Variants in BTBD1 observed in about 807,000 individuals in gnomAD.
The protein encoded by BTBD1 is BTB domain containing 1.
BTBD1 carries 34 observed loss-of-function variants against 48.0 expected under a neutral mutation model. The observed-to-expected ratio is 0.71, with a 90% CI of 0.54 to 0.94. The LOEUF is 0.94. BTBD1 is among the 40% of genes least tolerant of loss of function. The probability of loss-of-function intolerance (pLI) is 0.00; values close to 1 mark genes in which losing one functional copy is unlikely to be tolerated. For synonymous variants in BTBD1, 261 were observed against 242.1 expected (o/e 1.08, Z -0.72); for missense variants, 543 against 625.6 (o/e 0.87, Z 1.41).
intron 5 of BTBD1, among the ~76,000 whole-genome samples, chr15:83,027,918 C>CAAA (rs1409663647): frequency 2.0e-5 from 3 of 152,280 alleles, no homozygotes; most frequent in East Asian, 3.9e-4. Context: ...TTGTCCTGCC[C>CAAA]AAAGTCTATG....
At chr15:83,060,669 C>A (rs1055739076) in intron 1 of BTBD1, among the ~76,000 whole-genome samples, 1 of 152,100 alleles carries the variant, frequency 6.6e-6, no homozygotes, top group South Asian at 2.1e-4. Flanking sequence ...TGGCACACAC[C>A]TGTAATCCCA....
intron 4 of BTBD1, among the ~76,000 whole-genome samples, chr15:83,032,568 G>C (rs953180484): frequency 2.8e-4 from 42 of 152,190 alleles, no homozygotes; most frequent in Middle Eastern, 6.8e-3. Flanking sequence ...CGAAACAAAG[G>C]CTTTTGCAGC....
In BTBD1 at chr15:83,041,891, G is replaced by T; in HGVS notation, c.699C>A (p.Leu233=). ...TLCAVLERDT[L]SIRESRLFGA... is the part of the protein sequence containing the mutation. ...CAAAAAGTCGACTTTCTCGAATACT[G>T]AGTGTGTCTCTCTCTAAAACTGCAC... The change falls in exon 4 of 8, where the codon CTC becomes CTA. Residue 233 remains leucine (L), a synonymous_variant. Coordinates refer to ENST00000261721, the MANE Select transcript of BTBD1 (RefSeq NM_025238.4). 6.2e-7 allele frequency: 1 copy of T among 1,614,090 alleles called. No homozygotes were observed. Among genetic ancestry groups the T allele is most frequent in the East Asian group, 2.2e-5 (1 of 44,880 alleles).
intron 3 of BTBD1, among the ~76,000 whole-genome samples, chr15:83,047,316 G>T (rs771877364): frequency 6.6e-6 from 1 of 152,168 alleles, no homozygotes; most frequent in Admixed American, 6.5e-5. Context: ...TCTTTAATCT[G>T]AGATGCCAAG....
At chr15:83,028,485 T>A (rs1308795368) in intron 5 of BTBD1, 1 of 152,150 alleles carries the variant, frequency 6.6e-6, no homozygotes. Flanking sequence ...TTGAGATTGA[T>A]CTAGAATTTT....
intron 2 of BTBD1, among the ~76,000 whole-genome samples, chr15:83,050,523 A>G (rs1166050058): frequency 1.3e-5 from 2 of 151,838 alleles, no homozygotes; most frequent in Non-Finnish European, 2.9e-5. Context: ...TTTATGTTAG[A>G]TAAGGCTTAC....
intron 4 of BTBD1, among the ~76,000 whole-genome samples, chr15:83,039,269 GA>G (rs1168978720): frequency 6.6e-6 from 1 of 151,746 alleles, no homozygotes; most frequent in Non-Finnish European, 1.5e-5. Flanking sequence ...CAACAAACAT[GA>G]AAAAAATCCT....
rs566107777 is a variant in BTBD1, at chr15:83,044,934, A to C, written c.665-3009T>G. ...AAAGTGTCTTGGATTAATTAGGATC[A>C]TCCCTTTGGTTAATAAATAAATGTG... On this transcript the variant is annotated intron_variant, in intron 3 of 7. Coordinates refer to ENST00000261721, the MANE Select transcript of BTBD1 (RefSeq NM_025238.4). Among the ~76,000 whole-genome samples, 4 of 152,318 alleles carry C rather than the reference A, an allele frequency of 2.6e-5. No homozygotes were observed. The South Asian group carries it at 8.3e-4, about 32-fold the overall frequency.
intron 1 of BTBD1, among the ~76,000 whole-genome samples, chr15:83,063,130 CCTT>C (rs2033202487): frequency 1.3e-5 from 2 of 152,228 alleles, no homozygotes; most frequent in African/African-American, 4.8e-5. Context: ...ATATAATGCT[CCTT>C]CTTTCTCTTC....
At chr15:83,029,933 T>G (rs1275346249) in intron 5 of BTBD1, 1 of 608,642 alleles carries the variant, frequency 1.6e-6, no homozygotes, top group Admixed American at 2.8e-5. Flanking sequence ...ATTTTTTTCT[T>G]AAGAAGTCAC....
chr15:83,049,110 A>C (rs1341499579), intron 3 of BTBD1, among the ~76,000 whole-genome samples: 2 of 152,136 alleles, frequency 1.3e-5, no homozygotes. Context: ...TTTCCAATCC[A>C]CTTATTCCAG....
intron 7 of BTBD1, 143 bp downstream of exon 7, chr15:83,018,564 G>A: frequency 1.1e-6 from 1 of 875,432 alleles, no homozygotes; most frequent in Non-Finnish European, 1.7e-6. Context: ...CTTCTTTTCG[G>A]AAGGCAGTGG....
At chr15:83,031,936 G>T (rs1031800570) in intron 4 of BTBD1, among the ~76,000 whole-genome samples, 3 of 152,136 alleles carry the variant, frequency 2.0e-5, no homozygotes, top group African/African-American at 7.2e-5. Context: ...ATAGATGTTG[G>T]CGTGAATATG....
intron 1 of BTBD1, 119 bp downstream of exon 1, chr15:83,066,632 G>C (rs1463755193): frequency 2.1e-5 from 22 of 1,072,340 alleles, no homozygotes; most frequent in African/African-American, 1.6e-4. Context: ...GGCCCCGGGC[G>C]GGTCAGAAGA....
chr15:83,030,466 G>A (rs2032494945), intron 4 of BTBD1, 138 bp from the exon 5 acceptor site: 2 of 677,868 alleles, frequency 3.0e-6, no homozygotes, highest in Non-Finnish European at 5.0e-6. Context: ...TATAATTTTT[G>A]CATATATTTT....
At chr15:83,025,612 A>G (rs1481271956) in intron 5 of BTBD1, among the ~76,000 whole-genome samples, 1 of 152,118 alleles carries the variant, frequency 6.6e-6, no homozygotes, top group African/African-American at 2.4e-5. Flanking sequence ...ATACTACAGT[A>G]ATATTCAACA....
At chr15:83,060,876 T>C (rs929153116) in intron 1 of BTBD1, among the ~76,000 whole-genome samples, 4 of 152,226 alleles carry the variant, frequency 2.6e-5, no homozygotes, top group African/African-American at 9.6e-5. Context: ...TCACAAGATA[T>C]GTGTAAGAAA....
rs1288149376 is a variant in BTBD1, at chr15:83,067,175, G to A, written c.-24C>T. On this transcript the variant is annotated 5_prime_UTR_variant, in exon 1 of 8. The change creates a new upstream start codon in the 5' untranslated region. Coordinates refer to ENST00000261721, the MANE Select transcript of BTBD1 (RefSeq NM_025238.4). ...ATCCTCCAGCTGCGCGGTTGCCCAC[G>A]TTATGGACAAAACTCCGCCGCCATC... is the stretch of plus-strand genomic sequence containing the variant. The A allele has an allele frequency of 2.9e-6, 4 of 1,392,552 alleles. No homozygotes were observed. Among genetic ancestry groups the A allele is most frequent in the Non-Finnish European group, 3.7e-6 (4 of 1,076,360 alleles). 86.3% of individuals were successfully genotyped at this position (1,392,552 alleles called of 1,614,324 possible). A position where few individuals can be genotyped will look rare whatever the true frequency, so the allele number is the denominator to read the frequency against.
At chr15:83,026,460 TA>T (rs1267436734) in intron 5 of BTBD1, among the ~76,000 whole-genome samples, 3 of 152,124 alleles carry the variant, frequency 2.0e-5, no homozygotes, top group African/African-American at 7.2e-5. Context: ...AAAATCTGTT[TA>T]TAACTACAAG....
Sources: gnomAD v4.1 joint callset for allele counts (sites outside exome capture counted in the v4.1 genomes callset) on GRCh38, gnomAD v4.1.1 for gene constraint, MANE v1.5 for transcripts, NCBI Gene and HGNC (gene_info 2026-07-23, HGNC 2026-07-21) for gene names.